Variants in GLRA1 observed in about 807,000 individuals in gnomAD.
GLRA1 encodes the protein glycine receptor subunit alpha-1.
GLRA1 carries 37 observed loss-of-function variants against 48.3 expected under a neutral mutation model. That is an observed-to-expected ratio of 0.77 (90% CI 0.59 to 1.01). The LOEUF is 1.01. Ranked by LOEUF, GLRA1 falls within the 50% of genes least tolerant of loss-of-function variation. GLRA1 has a pLI of 0.00. For missense variants in GLRA1, 427 were observed against 571.0 expected, an observed-to-expected ratio of 0.75 and a Z score of 2.57; for synonymous variants, 196 against 210.7, an observed-to-expected ratio of 0.93 and a Z score of 0.60.
At chr5:151,886,106 C>G (rs969352123) in intron 3 of GLRA1, among the ~76,000 whole-genome samples, 1 of 152,086 alleles carries the variant, frequency 6.6e-6, no homozygotes, top group Non-Finnish European at 1.5e-5. Flanking sequence ...TTTAAAATAT[C>G]ATTACACTTA....
At chr5:151,853,083 G>A (rs1057156588) in intron 6 of GLRA1, among the ~76,000 whole-genome samples, 3 of 152,156 alleles carry the variant, frequency 2.0e-5, no homozygotes, top group African/African-American at 7.2e-5. Flanking sequence ...GTTGCTAGAG[G>A]CTGAGGGATG....
At chr5:151,863,911 A>G (rs922721903) in intron 3 of GLRA1, among the ~76,000 whole-genome samples, 1 of 152,190 alleles carries the variant, frequency 6.6e-6, no homozygotes, top group Non-Finnish European at 1.5e-5. Context: ...GGATTGTTCT[A>G]TAATTTAATT....
At chr5:151,921,985 C>T (rs780083576) in intron 1 of GLRA1, among the ~76,000 whole-genome samples, 9 of 152,122 alleles carry the variant, frequency 5.9e-5, no homozygotes, top group South Asian at 2.1e-4. Context: ...ATGGGATTTC[C>T]GCCTCATTCA....
intron 1 of GLRA1, among the ~76,000 whole-genome samples, chr5:151,902,286 C>A (rs895092183): frequency 6.6e-6 from 1 of 151,864 alleles, no homozygotes; most frequent in Non-Finnish European, 1.5e-5. Flanking sequence ...ATGGTAGAAC[C>A]ATAACATAAC....
chr5:151,861,066 T>C (rs1158581124), intron 3 of GLRA1, among the ~76,000 whole-genome samples: 1 of 152,270 alleles, frequency 6.6e-6, no homozygotes, highest in African/African-American at 2.4e-5. Flanking sequence ...TCATCCTTTT[T>C]TATGGCTGCA....
At chr5:151,855,919 C>T (rs895113765) in intron 5 of GLRA1, among the ~76,000 whole-genome samples, 2 of 152,244 alleles carry the variant, frequency 1.3e-5, no homozygotes, top group African/African-American at 4.8e-5. Context: ...CTTCTAACAA[C>T]ACACCAATCA....
At chr5:151,907,886 A>G (rs188998302) in intron 1 of GLRA1, among the ~76,000 whole-genome samples, 156 of 152,374 alleles carry the variant, frequency 1.0e-3, no homozygotes, top group African/African-American at 3.7e-3. Context: ...TCTTTCTAGC[A>G]GGCACAATGC....
At chr5:151,827,666 G>A (rs941627477) in intron 8 of GLRA1, among the ~76,000 whole-genome samples, 23 of 152,056 alleles carry the variant, frequency 1.5e-4, no homozygotes, top group Non-Finnish European at 3.1e-4. Context: ...ATTTTGTTTT[G>A]TTTTATTTTA....
intron 1 of GLRA1, among the ~76,000 whole-genome samples, chr5:151,922,932 A>C (rs1754916099): frequency 1.3e-5 from 2 of 152,254 alleles, no homozygotes; most frequent in Admixed American, 1.3e-4. Flanking sequence ...AATGTTACAA[A>C]GTACCCAACC....
chr5:151,910,520 C>A (rs116796456), intron 1 of GLRA1, among the ~76,000 whole-genome samples: 1,614 of 152,224 alleles, frequency 0.011, 30 homozygotes, highest in African/African-American at 0.037. Flanking sequence ...GACTGTTTTG[C>A]TATTTGCCTT....
chr5:151,842,092 C>A (rs1763724768), intron 7 of GLRA1, among the ~76,000 whole-genome samples: 2 of 149,658 alleles, frequency 1.3e-5, no homozygotes, highest in Admixed American at 1.3e-4. Context: ...ACTTTGAATA[C>A]ACACATAACA....
intron 3 of GLRA1, among the ~76,000 whole-genome samples, chr5:151,881,492 ATT>A (rs3033233): frequency 0.47 from 54,331 of 116,512 alleles, 12,526 homozygotes; most frequent in East Asian, 0.66. Context: ...ATGCCCTGCA[ATT>A]TTTTTTTTTT....
Position 151,847,494 on chromosome 5 carries a change from G to A in GLRA1, c.912+3896C>T, listed in dbSNP as rs558962595. ...CCAGCACTTTGGGAGGCCAAGGTGG[G>A]TGGATCACGAGGTCAGGAGTTCAAG... On this transcript the variant is annotated intron_variant, in intron 7 of 8. Transcript: ENST00000274576. 3.9e-5 allele frequency among the ~76,000 whole-genome samples: 6 copies of A among 152,314 alleles called. No individual in the cohort carries two copies. The South Asian group carries it at 1.2e-3, about 32-fold the overall frequency.
intron 1 of GLRA1, among the ~76,000 whole-genome samples, chr5:151,908,585 G>T (rs779111388): frequency 2.0e-4 from 31 of 151,982 alleles, no homozygotes; most frequent in Non-Finnish European, 1.5e-4. Context: ...GTGGAACCCA[G>T]AGTAGACCTG....
At chr5:151,900,803 A>G (rs569679025) in intron 1 of GLRA1, among the ~76,000 whole-genome samples, 5 of 152,320 alleles carry the variant, frequency 3.3e-5, no homozygotes, top group South Asian at 2.1e-4. Flanking sequence ...GGGGCCATCA[A>G]GGTGTTATAT....
intron 1 of GLRA1, among the ~76,000 whole-genome samples, chr5:151,898,794 T>A (rs1045011443): frequency 2.0e-5 from 3 of 152,196 alleles, no homozygotes; most frequent in African/African-American, 7.2e-5. Context: ...GTCAGCACTA[T>A]AATTGAGGAA....
chr5:151,867,680 G>T (rs1001172811), intron 3 of GLRA1, among the ~76,000 whole-genome samples: 1 of 152,206 alleles, frequency 6.6e-6, no homozygotes, highest in Non-Finnish European at 1.5e-5. Context: ...TGAAGAAAGT[G>T]CAGGGAGATT....
intron 3 of GLRA1, among the ~76,000 whole-genome samples, chr5:151,879,793 C>T (rs770420744): frequency 4.6e-5 from 7 of 152,014 alleles, no homozygotes; most frequent in Admixed American, 3.9e-4. Context: ...TGATTGGTTT[C>T]GAAATATGAG....
chr5:151,915,603 C>T (rs1199260912), intron 1 of GLRA1, among the ~76,000 whole-genome samples: 1 of 151,854 alleles, frequency 6.6e-6, no homozygotes, highest in Non-Finnish European at 1.5e-5. Context: ...CTTCCCAAGA[C>T]ATGTTAATAT....
Sources: gnomAD v4.1 joint callset for allele counts (sites outside exome capture counted in the v4.1 genomes callset) on GRCh38, gnomAD v4.1.1 for gene constraint, MANE v1.5 for transcripts, NCBI Gene and HGNC (gene_info 2026-07-23, HGNC 2026-07-21) for gene names.